CBR4: variants seen among roughly 807,000 people sequenced by gnomAD.
CBR4 encodes the protein carbonyl reductase 4, also known as 3-oxoacyl-[acyl-carrier-protein] reductase.
A neutral mutation model predicts 21.0 loss-of-function variants in CBR4; 22 were observed. That is an observed-to-expected ratio of 1.05 (90% confidence interval 0.75 to 1.50). The LOEUF (loss-of-function observed/expected upper bound fraction) is 1.50. Ranked by LOEUF, CBR4 falls within the 40% of genes most tolerant of loss-of-function variation. The pLI is 0.00. For synonymous variants in CBR4, 100 were observed against 104.4 expected, an observed-to-expected ratio of 0.96 and a Z score of 0.26; for missense variants, 302 against 286.3, an observed-to-expected ratio of 1.05 and a Z score of -0.40.
intron 2 of CBR4, chr4:168,903,635 T>C: frequency 1.3e-6 from 1 of 797,048 alleles, no homozygotes; most frequent in Admixed American, 2.0e-5. Flanking sequence ...AGGTATTTGG[T>C]TTAACATTTT....
chr4:168,908,037 G>T (rs1210064179), intron 2 of CBR4, among the ~76,000 whole-genome samples: 1 of 152,196 alleles, frequency 6.6e-6, no homozygotes, highest in East Asian at 1.9e-4. Flanking sequence ...CTAGGCCTCA[G>T]TGTGTAAATG....
chr4:169,003,352 A>ACTC (rs1730625569), intron 3 of CBR4, among the ~76,000 whole-genome samples: 1 of 152,224 alleles, frequency 6.6e-6, no homozygotes, highest in East Asian at 1.9e-4. Flanking sequence ...GAGCAGAATT[A>ACTC]CAAGTGGAGC....
chr4:168,985,127 G>C (rs1489560725), downstream of CBR4, among the ~76,000 whole-genome samples: 1 of 152,208 alleles, frequency 6.6e-6, no homozygotes, highest in Non-Finnish European at 1.5e-5. Flanking sequence ...CAAAATGGGA[G>C]AATATATTTG....
chr4:168,945,795 C>T (rs745309740), intron 2 of CBR4, among the ~76,000 whole-genome samples: 24 of 152,050 alleles, frequency 1.6e-4, no homozygotes, highest in Non-Finnish European at 2.9e-4. Flanking sequence ...CAAACAACAA[C>T]AAAAACTTAG....
At chr4:168,916,121 A>G in intron 2 of CBR4, 1 of 1,244,724 alleles carries the variant, frequency 8.0e-7, no homozygotes, top group Non-Finnish European at 1.2e-6. Flanking sequence ...TACATAAAGT[A>G]TAAAATGAGA....
intron 2 of CBR4, among the ~76,000 whole-genome samples, chr4:168,932,706 G>A (rs1763003353): frequency 6.6e-6 from 1 of 151,936 alleles, no homozygotes. Context: ...CACATATAAG[G>A]GAATACCCAT....
intron 2 of CBR4, among the ~76,000 whole-genome samples, chr4:168,974,350 T>C (rs1764305626): frequency 6.6e-6 from 1 of 152,214 alleles, no homozygotes; most frequent in Non-Finnish European, 1.5e-5. Context: ...ATTCTTTACT[T>C]CATCTTGACT....
At chr4:168,927,757 G>GTTGA (rs1213519583) in intron 2 of CBR4, 4 of 221,156 alleles carry the variant, frequency 1.8e-5, no homozygotes, top group African/African-American at 4.5e-5. Context: ...GCTAGACTGA[G>GTTGA]TTGATTCTGA....
At chr4:169,002,013 T>C in intron 4 of CBR4, 58 bp downstream of exon 4, 9 of 1,345,276 alleles carry the variant, frequency 6.7e-6, no homozygotes, top group Non-Finnish European at 9.0e-6. Flanking sequence ...TTCCAAATAA[T>C]GGCTTCCCTA....
intron 2 of CBR4, among the ~76,000 whole-genome samples, chr4:168,929,067 T>C (rs533244557): frequency 6.6e-6 from 1 of 152,264 alleles, no homozygotes; most frequent in East Asian, 1.9e-4. Flanking sequence ...ACTGTAGGTA[T>C]GCATGTAAAT....
chr4:169,005,777 T>TA, intron 3 of CBR4: 1 of 723,820 alleles, frequency 1.4e-6, no homozygotes, highest in Non-Finnish European at 2.0e-6. Flanking sequence ...CATGTCCCCT[T>TA]AGTTTATTAG....
chr4:168,914,030 C>T, intron 2 of CBR4: 1 of 1,495,746 alleles, frequency 6.7e-7, no homozygotes, highest in Non-Finnish European at 9.3e-7. Flanking sequence ...AGGTATTTAA[C>T]ATGTTCCTTC....
chr4:169,005,756 C>A, intron 3 of CBR4: 3 of 554,708 alleles, frequency 5.4e-6, no homozygotes, highest in South Asian at 3.5e-5. Flanking sequence ...AGTAAATGTC[C>A]AAAATGCTCT....
rs191721744 is a variant in CBR4 at position 168,951,529 on chromosome 4, A to C, written n.169+50542T>G. Among the ~76,000 whole-genome samples, 737 of 152,226 alleles carry C rather than the reference A, an allele frequency of 4.8e-3. 7 individuals are homozygous for C. Among genetic ancestry groups the C allele is most frequent in the Admixed American group, 5.5e-3 (84 of 15,290 alleles). Reference sequence around the variant, plus strand: ...AGGTCCTGTGAGATTTATGCTTTTAAAGAGGTTCTGCTTTGATGTGTTTCC... The same window carrying C: ...AGGTCCTGTGAGATTTATGCTTTTACAGAGGTTCTGCTTTGATGTGTTTCC... On this transcript the variant is annotated intron_variant and non_coding_transcript_variant, in intron 2 of 3. Transcript: ENST00000509108.
In CBR4 at chr4:168,940,881, A is replaced by G. The variant is rs1365882011; in HGVS notation, n.170-46116T>C. Among the ~76,000 whole-genome samples, 3 of 152,246 alleles carry G rather than the reference A, an allele frequency of 2.0e-5. No homozygotes were observed. In the East Asian group the frequency reaches 5.8e-4, roughly 29 times the overall value. ...GTGGAAGACAGTGTGGCGATTCCTC[A>G]AGGATCTAGAACCAGAAATACCATT... On this transcript the variant is annotated intron_variant and non_coding_transcript_variant, in intron 2 of 3. Transcript: ENST00000509108.
At chr4:168,915,118 G>A (rs927599943) in intron 2 of CBR4, among the ~76,000 whole-genome samples, 5 of 152,168 alleles carry the variant, frequency 3.3e-5, no homozygotes, top group African/African-American at 1.2e-4. Flanking sequence ...TATACTTAGA[G>A]AAGGGTAAAC....
At chr4:168,998,974 A>G (rs571474508) in intron 4 of CBR4, among the ~76,000 whole-genome samples, 1 of 152,306 alleles carries the variant, frequency 6.6e-6, no homozygotes, top group Non-Finnish European at 1.5e-5. Flanking sequence ...ATTTCGTACT[A>G]TATGTATTAT....
At chr4:168,985,635 C>T (rs1764666160), downstream of CBR4, among the ~76,000 whole-genome samples, 1 of 152,126 alleles carries the variant, frequency 6.6e-6, no homozygotes, top group Non-Finnish European at 1.5e-5. Context: ...CAACCTAGAT[C>T]CCCATCAATA....
chr4:169,006,272 G>T (rs577887696), intron 3 of CBR4, among the ~76,000 whole-genome samples: 77 of 152,066 alleles, frequency 5.1e-4, no homozygotes, highest in African/African-American at 1.8e-3. Context: ...CCAGCACTTC[G>T]GGAGGATCAC....
Sources: gnomAD v4.1 joint callset for allele counts (sites outside exome capture counted in the v4.1 genomes callset) on GRCh38, gnomAD v4.1.1 for gene constraint, MANE v1.5 for transcripts, NCBI Gene and HGNC (gene_info 2026-07-23, HGNC 2026-07-21) for gene names.